Variants in BSN observed in about 807,000 individuals in gnomAD.
BSN encodes protein bassoon.
BSN carries 57 observed loss-of-function variants against 264.8 expected under a neutral mutation model. The observed-to-expected ratio is 0.22, with a 90% CI of 0.17 to 0.27. The LOEUF is 0.27. Ranked by LOEUF, BSN falls within the 10% of genes least tolerant of loss-of-function variation. The probability of loss-of-function intolerance (pLI) is 1.00; values close to 1 mark genes in which losing one functional copy is unlikely to be tolerated. For synonymous variants in BSN, 2,059 were observed against 2,137.3 expected (o/e 0.96, Z 1.01); for missense variants, 4,615 against 5,232.5 (o/e 0.88, Z 3.64).
rs374160850 is a variant in BSN, at chr3:49,671,040, C to T, written c.*3555C>T. The T allele has an allele frequency of 6.6e-6, 1 of 152,238 alleles. No homozygotes were observed. Among genetic ancestry groups the T allele is most frequent in the South Asian group, 2.1e-4 (1 of 4,832 alleles). 9.4% of individuals were successfully genotyped at this position (152,238 alleles called of 1,614,324 possible). On this transcript the variant is annotated 3_prime_UTR_variant, in exon 12 of 12. Coordinates refer to ENST00000296452, the MANE Select transcript of BSN (RefSeq NM_003458.4). The surrounding 1 kb of genome is among the most constrained non-coding windows in gnomAD (Gnocchi z 4.1). ...TCCTCGGAGATGCCATCTCTGTCTC[C>T]CTGGGTGCCAGCAGCCCTGCTGCCA...
At position 49,662,558 on chromosome 3, in the gene BSN, C is replaced by T. The variant is rs746783369; in HGVS notation, c.10713C>T (p.Ser3571=). ...LDDSHCVVSD[S]EAYHLGQEET... is the part of the protein sequence containing the mutation. ...ATTCCCATTGCGTGGTTTCCGACAG[C>T]GAAGGTAATGGCAGCCAGGGGTGAT... is the stretch of plus-strand genomic sequence containing the variant. The change falls in exon 6 of 12, where the codon AGC becomes AGT. Residue 3571 remains serine (S), a synonymous_variant. Coordinates refer to ENST00000296452, the MANE Select transcript of BSN (RefSeq NM_003458.4). 12 of 1,580,998 alleles carry T rather than the reference C, an allele frequency of 7.6e-6. No individual in the cohort carries two copies. Among genetic ancestry groups the T allele is most frequent in the South Asian group, 1.2e-5 (1 of 86,262 alleles).
At chr3:49,611,468 G>A (rs966469547) in intron 1 of BSN, among the ~76,000 whole-genome samples, 35 of 152,170 alleles carry the variant, frequency 2.3e-4, no homozygotes, top group African/African-American at 5.8e-4. Flanking sequence ...AGGAGCCTCC[G>A]TGACTTGGGC....
At chr3:49,574,113 C>T (rs1194329486) in intron 1 of BSN, among the ~76,000 whole-genome samples, 1 of 146,614 alleles carries the variant, frequency 6.8e-6, no homozygotes. Context: ...CCACATCTGG[C>T]TAATTTTTGT....
chr3:49,654,605 C>T lies in BSN; in HGVS notation c.5049C>T (p.Gly1683=), dbSNP rs560401884. Residue 1683 remains glycine (G), a synonymous_variant, in exon 5 of 12, where the codon GGC becomes GGT. Coordinates refer to ENST00000296452, the MANE Select transcript of BSN (RefSeq NM_003458.4). The surrounding 1 kb of genome is among the most constrained non-coding windows in gnomAD (Gnocchi z 4.1). The part of the protein sequence containing the change: ...KPTPIILTDQ[G]MDLTSLAVEA... ...CTCCCATCATCCTCACTGACCAGGGCATGGACCTCACCTCTCTTGCTGTGG... is the reference window on the plus strand; with the variant it reads ...CTCCCATCATCCTCACTGACCAGGGTATGGACCTCACCTCTCTTGCTGTGG... 746 of 1,613,668 alleles carry T rather than the reference C, an allele frequency of 4.6e-4. 13 individuals carry two copies. The South Asian group carries it at 7.8e-3, about 17-fold the overall frequency.
chr3:49,647,471 T>G (rs892909817), intron 3 of BSN, among the ~76,000 whole-genome samples: 1 of 152,162 alleles, frequency 6.6e-6, no homozygotes, highest in Non-Finnish European at 1.5e-5. Flanking sequence ...CACCCCATTA[T>G]CCATCCCCTG....
chr3:49,563,974 C>G (rs908298332), intron 1 of BSN, among the ~76,000 whole-genome samples: 2 of 152,166 alleles, frequency 1.3e-5, no homozygotes, highest in African/African-American at 4.8e-5. Context: ...GTTTAGCAGG[C>G]GCTCACTGTA....
At position 49,650,863 on chromosome 3, in the gene BSN, C is replaced by A. The variant is rs2052536253; in HGVS notation, c.1770C>A (p.Ala590=). The A allele has an allele frequency of 1.9e-6, 3 of 1,614,086 alleles. No individual in the cohort carries two copies. The highest frequency in any genetic ancestry group is 2.5e-6 in the Non-Finnish European group (3 of 1,180,052). The change falls in exon 4 of 12, where the codon GCC becomes GCA. Residue 590 remains alanine, a synonymous_variant. Coordinates refer to ENST00000296452, the MANE Select transcript of BSN (RefSeq NM_003458.4). ...TGCCCAGCAAGGCCAGCCCCCAGGC[C>A]AAGCCCCTCAGGGCTTCTGAACCCA... ...SPLPSKASPQ[A]KPLRASEPSK...
intron 1 of BSN, among the ~76,000 whole-genome samples, chr3:49,582,583 G>A (rs1371506584): frequency 6.6e-6 from 1 of 152,180 alleles, no homozygotes; most frequent in Non-Finnish European, 1.5e-5. Flanking sequence ...TGGTCTGCAG[G>A]TAGAGATAAT....
At chr3:49,561,677 G>T (rs1039225188) in intron 1 of BSN, among the ~76,000 whole-genome samples, 2 of 152,156 alleles carry the variant, frequency 1.3e-5, no homozygotes, top group African/African-American at 4.8e-5. Flanking sequence ...ACATAGTCAT[G>T]ACTTAACATA....
chr3:49,656,841 C>T lies in BSN; in HGVS notation c.7285C>T (p.Gln2429Ter), dbSNP rs746839582. 6.2e-7 allele frequency: 1 copy of T among 1,601,268 alleles called. No homozygotes were observed. The highest frequency in any genetic ancestry group is 8.5e-7 in the Non-Finnish European group (1 of 1,174,554). The change falls in exon 5 of 12, where the codon CAG becomes TAG. Residue 2429 changes from glutamine (Q) to a stop codon, truncating the protein, a stop_gained. Coordinates refer to ENST00000296452, the MANE Select transcript of BSN (RefSeq NM_003458.4). LOFTEE classifies it high-confidence loss of function. ...LQTIKHHVLQQQQEERQAQFA... is the reference protein window; with the variant it reads ...LQTIKHHVLQ ...GACCATCAAGCACCATGTGCTGCAG[C>T]AGCAGCAAGAGGAACGCCAGGCTCA...
At position 49,656,921 on chromosome 3, in the gene BSN, CCAGCAGCTGCAG is replaced by C. The variant is rs759806020; in HGVS notation, c.7386_7397del (p.Gln2463_Leu2466del). The C allele has an allele frequency of 1.9e-4, 309 of 1,598,630 alleles. 1 individual carries two copies. Among genetic ancestry groups the C allele is most frequent in the Admixed American group, 2.6e-4 (15 of 58,092 alleles). ...AGCAGCGTCTGCAGCTGGAGCAGAT[CCAGCAGCTGCAG>C]CAGCAGCTGCAGCAGCAGCTAGAGG... On this transcript the variant is annotated inframe_deletion, in exon 5 of 12. Coordinates refer to ENST00000296452, the MANE Select transcript of BSN (RefSeq NM_003458.4).
At chr3:49,614,367 G>A (rs561785271) in intron 1 of BSN, among the ~76,000 whole-genome samples, 2 of 152,154 alleles carry the variant, frequency 1.3e-5, no homozygotes, top group African/African-American at 2.4e-5. Flanking sequence ...CCGACATTCA[G>A]TCTTTAAAGT....
chr3:49,672,460 G>A (rs2052794205), downstream of BSN, among the ~76,000 whole-genome samples: 1 of 151,476 alleles, frequency 6.6e-6, no homozygotes, highest in African/African-American at 2.4e-5. Flanking sequence ...AAATGCAGTG[G>A]CGTCAGAAAG....
At chr3:49,604,918 C>T (rs2052100482) in intron 1 of BSN, among the ~76,000 whole-genome samples, 1 of 151,908 alleles carries the variant, frequency 6.6e-6, no homozygotes, top group Non-Finnish European at 1.5e-5. Context: ...GTCATTTCTT[C>T]CTCTGGGATG....
intron 3 of BSN, among the ~76,000 whole-genome samples, chr3:49,647,582 G>A (rs1455527818): frequency 6.6e-6 from 1 of 152,198 alleles, no homozygotes; most frequent in Non-Finnish European, 1.5e-5. Flanking sequence ...AGAGGGCTGT[G>A]CAATGAATGG....
intron 1 of BSN, among the ~76,000 whole-genome samples, chr3:49,597,815 T>C (rs1178082717): frequency 1.3e-5 from 2 of 151,810 alleles, no homozygotes; most frequent in Non-Finnish European, 3.0e-5. Context: ...GCTAATTTTT[T>C]GTATTTTTTA....
In BSN at chr3:49,655,816, T is replaced by TGGCCCAGTACAGTGCCACCAC; in HGVS notation, c.6261_6281dup (p.Gln2089_Ala2095dup). 6.2e-7 allele frequency: 1 copy of TGGCCCAGTACAGTGCCACCAC among 1,613,408 alleles called. No homozygotes were observed. Among genetic ancestry groups the TGGCCCAGTACAGTGCCACCAC allele is most frequent in the Non-Finnish European group, 8.5e-7 (1 of 1,180,024 alleles). ...GCAGTTGGCTTCCAGGAGGCCAGCC[T>TGGCCCAGTACAGTGCCACCAC]GGCCCAGTACAGTGCCACCACAGCC... On this transcript the variant is annotated inframe_insertion, in exon 5 of 12. Transcript: ENST00000296452.
chr3:49,651,920 T>C lies in BSN; in HGVS notation c.2364T>C (p.Ala788=). The part of the protein sequence containing the change: ...EDILEEDEDS[A]EWRRRREQQD... Reference sequence around the variant, plus strand: ...TCCTGGAGGAAGACGAAGACTCTGCTGAGTGGAGGCGCCGGAGAGAGCAGC... The same window carrying C: ...TCCTGGAGGAAGACGAAGACTCTGCCGAGTGGAGGCGCCGGAGAGAGCAGC... The change falls in exon 5 of 12, where the codon GCT becomes GCC. Residue 788 remains alanine (A), a synonymous_variant. Coordinates refer to ENST00000296452, the MANE Select transcript of BSN (RefSeq NM_003458.4). The surrounding 1 kb of genome is among the most constrained non-coding windows in gnomAD (Gnocchi z 5.4). 6.2e-7 allele frequency: 1 copy of C among 1,613,862 alleles called. No homozygotes were observed. Among genetic ancestry groups the C allele is most frequent in the Non-Finnish European group, 8.5e-7 (1 of 1,179,964 alleles).
At chr3:49,639,204 T>TC (rs1413508966) in intron 2 of BSN, among the ~76,000 whole-genome samples, 180 of 149,756 alleles carry the variant, frequency 1.2e-3, no homozygotes, top group Non-Finnish European at 2.0e-3. Context: ...TTTTTCTTTT[T>TC]TTTTTTTTTT....
Sources: allele counts gnomAD v4.1 joint callset (sites outside exome capture counted in the v4.1 genomes callset), GRCh38; gene constraint gnomAD v4.1.1; non-coding constraint Gnocchi (gnomAD v3.1); transcripts MANE v1.5; gene names NCBI Gene and HGNC (gene_info 2026-07-23, HGNC 2026-07-21).